GTF2IRD1: variants seen among roughly 807,000 people sequenced by gnomAD.
GTF2IRD1 encodes general transcription factor II-I repeat domain-containing protein 1.
A neutral mutation model predicts 113.2 loss-of-function variants in GTF2IRD1; 26 were observed. The observed-to-expected ratio is 0.23, with a 90% confidence interval of 0.17 to 0.32. The LOEUF (loss-of-function observed/expected upper bound fraction) is 0.32, where lower values mean the gene tolerates loss of function less well. GTF2IRD1 is among the 10% of genes least tolerant of loss of function. The pLI, the probability that GTF2IRD1 is intolerant of heterozygous loss-of-function variation, is 1.00. For synonymous variants in GTF2IRD1, 484 were observed against 529.1 expected (o/e 0.91, Z 1.17); for missense variants, 864 against 1,280.8 (o/e 0.67, Z 4.97).
chr7:74,496,808 G>A (rs139072357), intron 1 of GTF2IRD1, among the ~76,000 whole-genome samples: 4 of 152,112 alleles, frequency 2.6e-5, no homozygotes, highest in African/African-American at 9.6e-5. Flanking sequence ...AACGACACTC[G>A]ACAGTGGACA....
chr7:74,571,223 G>A (rs1800676848), intron 22 of GTF2IRD1: 1 of 590,936 alleles, frequency 1.7e-6, no homozygotes, highest in African/African-American at 2.0e-5. Flanking sequence ...CTTGTAAAAT[G>A]AGAAGAATTG....
chr7:74,488,863 C>T (rs1554336090), intron 1 of GTF2IRD1, among the ~76,000 whole-genome samples: 1 of 152,056 alleles, frequency 6.6e-6, no homozygotes, highest in South Asian at 2.1e-4. Flanking sequence ...GGACTTTTGC[C>T]TGGGCGCGGT....
intron 8 of GTF2IRD1, among the ~76,000 whole-genome samples, chr7:74,525,982 A>T (rs1435296700): frequency 3.3e-5 from 5 of 152,100 alleles, no homozygotes; most frequent in Non-Finnish European, 7.4e-5. Context: ...GGAGCCTGGG[A>T]TAGCCAGCTA....
chr7:74,517,393 C>T (rs1554344872), intron 4 of GTF2IRD1, among the ~76,000 whole-genome samples: 1 of 150,306 alleles, frequency 6.7e-6, no homozygotes, highest in African/African-American at 2.5e-5. Flanking sequence ...ACTTTCTCTC[C>T]CCCCTCTCGG....
chr7:74,528,754 G>GATGA (rs1235748896), intron 8 of GTF2IRD1, among the ~76,000 whole-genome samples: 62 of 109,642 alleles, frequency 5.7e-4, no homozygotes, highest in Non-Finnish European at 9.7e-4. Flanking sequence ...TGGATGGATG[G>GATGA]ATGAATGGAT....
intron 1 of GTF2IRD1, among the ~76,000 whole-genome samples, chr7:74,490,782 T>C (rs1584507840): frequency 6.6e-6 from 1 of 151,878 alleles, no homozygotes; most frequent in Non-Finnish European, 1.5e-5. Context: ...GCTTCTCTGG[T>C]GTCCAGAAAA....
At chr7:74,456,988 TTTTTTTTC>T (rs1376992836) in intron 1 of GTF2IRD1, among the ~76,000 whole-genome samples, 4 of 151,868 alleles carry the variant, frequency 2.6e-5, no homozygotes, top group Non-Finnish European at 5.9e-5. Flanking sequence ...ATGTCCTCTC[TTTTTTTTC>T]TTTTTTTCTT....
Position 74,570,731 on chromosome 7 carries a change from C to A in GTF2IRD1, c.2320+11076C>A, listed in dbSNP as rs587708988. 5.3e-5 allele frequency among the ~76,000 whole-genome samples: 8 copies of A among 152,260 alleles called. No individual in the cohort carries two copies. In the South Asian group the frequency reaches 1.7e-3, roughly 32 times the overall value. On this transcript the variant is annotated intron_variant, in intron 22 of 26. Transcript: ENST00000424337. Reference sequence around the variant, plus strand: ...AAAGCTTTGGAAGGTAGTGAACTCCCCGTCACTGGAGGCATTTAAGCAGAG... The same window carrying A: ...AAAGCTTTGGAAGGTAGTGAACTCCACGTCACTGGAGGCATTTAAGCAGAG...
At chr7:74,498,484 C>T (rs1729787109) in intron 1 of GTF2IRD1, among the ~76,000 whole-genome samples, 1 of 152,172 alleles carries the variant, frequency 6.6e-6, no homozygotes, top group Admixed American at 6.5e-5. Context: ...TCTTCCCTTG[C>T]TTCTCTCTGT....
chr7:74,492,151 A>C (rs1374182682), intron 1 of GTF2IRD1, among the ~76,000 whole-genome samples: 2 of 148,292 alleles, frequency 1.3e-5, no homozygotes, highest in African/African-American at 5.0e-5. Context: ...TTACAGGCAC[A>C]CACTACCATT....
intron 4 of GTF2IRD1, among the ~76,000 whole-genome samples, chr7:74,517,104 A>T (rs1386366292): frequency 1.7e-4 from 24 of 141,586 alleles, no homozygotes; most frequent in African/African-American, 3.4e-4. Flanking sequence ...GCTCATTACA[A>T]CCTCCCCCTC....
At chr7:74,500,454 G>T (rs1795972201) in intron 1 of GTF2IRD1, among the ~76,000 whole-genome samples, 1 of 151,846 alleles carries the variant, frequency 6.6e-6, no homozygotes, top group Non-Finnish European at 1.5e-5. Flanking sequence ...AAAATTTGGT[G>T]GGGTGATGGG....
At chr7:74,510,470 C>T (rs1314585081) in intron 2 of GTF2IRD1, among the ~76,000 whole-genome samples, 1 of 151,480 alleles carries the variant, frequency 6.6e-6, no homozygotes, top group Non-Finnish European at 1.5e-5. Context: ...CCACACCTGG[C>T]TAATTTTTTT....
chr7:74,502,681 C>T (rs1291533296), intron 1 of GTF2IRD1, among the ~76,000 whole-genome samples: 1 of 152,216 alleles, frequency 6.6e-6, no homozygotes, highest in Admixed American at 6.5e-5. Context: ...GGCTCAGGGT[C>T]CGGGCAGGCC....
chr7:74,567,449 C>T (rs1800392275), intron 22 of GTF2IRD1, among the ~76,000 whole-genome samples: 1 of 152,072 alleles, frequency 6.6e-6, no homozygotes, highest in Non-Finnish European at 1.5e-5. Flanking sequence ...AGTCCTAATG[C>T]CTGAGAGTAG....
At chr7:74,495,623 A>G (rs1795614265) in intron 1 of GTF2IRD1, among the ~76,000 whole-genome samples, 1 of 151,850 alleles carries the variant, frequency 6.6e-6, no homozygotes, top group Non-Finnish European at 1.5e-5. Context: ...GGGCTCTGAC[A>G]CCTCCACATC....
Position 74,553,792 on chromosome 7 carries a change from G to A in GTF2IRD1, c.1917-1382G>A, listed in dbSNP as rs587744374. Among the ~76,000 whole-genome samples the A allele has an allele frequency of 2.0e-5, 3 of 152,272 alleles. No homozygotes were observed. The East Asian group carries it at 5.8e-4, about 29-fold the overall frequency. On this transcript the variant is annotated intron_variant, in intron 17 of 26. Coordinates refer to ENST00000424337, the MANE Select transcript of GTF2IRD1 (RefSeq NM_005685.4). Reference sequence around the variant, plus strand: ...GCCTGGGACTCAGGGGCTCTGCCCAGCTTCTGCCTCTCTAAGTTTACTGCT... The same window carrying A: ...GCCTGGGACTCAGGGGCTCTGCCCAACTTCTGCCTCTCTAAGTTTACTGCT...
chr7:74,466,032 A>G (rs373666658), intron 1 of GTF2IRD1, among the ~76,000 whole-genome samples: 13 of 152,264 alleles, frequency 8.5e-5, no homozygotes, highest in African/African-American at 2.9e-4. Flanking sequence ...TGGCCTCCCA[A>G]TGTGTTGGGA....
chr7:74,499,198 G>A lies in GTF2IRD1; in HGVS notation c.-6-8877G>A, dbSNP rs559868805. On this transcript the variant is annotated intron_variant, in intron 1 of 26. Transcript: ENST00000424337. ...TTCCTCCCACTCCCAGCCTTGCCAC[G>A]ACCTACCAGGTCTCCAGCTCCTGCT... Among the ~76,000 whole-genome samples, 8 of 152,302 alleles carry A rather than the reference G, an allele frequency of 5.3e-5. No individual in the cohort carries two copies. The East Asian group carries it at 1.4e-3, about 26-fold the overall frequency.
Sources: allele counts gnomAD v4.1 joint callset (sites outside exome capture counted in the v4.1 genomes callset), GRCh38; gene constraint gnomAD v4.1.1; transcripts MANE v1.5; gene names NCBI Gene and HGNC (gene_info 2026-07-23, HGNC 2026-07-21).